Variants in SLC38A12 observed in about 807,000 individuals in gnomAD.
The protein encoded by SLC38A12 is putative sodium-coupled neutral amino acid transporter 12.
chr17:74,835,999 C>G, the SLC38A12 span: 16 of 1,612,104 alleles, frequency 9.9e-6, no homozygotes, highest in South Asian at 9.9e-5. Flanking sequence ...CCGCCCCTGG[C>G]TGACTTCTCG....
At chr17:74,835,974 C>G in the SLC38A12 span, 2 of 1,611,902 alleles carry the variant, frequency 1.2e-6, no homozygotes, top group South Asian at 1.1e-5. Flanking sequence ...CGGGCACGGA[C>G]AAGGGGAGGG....
the SLC38A12 span, among the ~76,000 whole-genome samples, chr17:74,813,240 T>C: frequency 6.6e-6 from 1 of 152,230 alleles, no homozygotes; most frequent in East Asian, 1.9e-4. Flanking sequence ...CATTGCCCGC[T>C]TTTCAAGTCT....
the SLC38A12 span, among the ~76,000 whole-genome samples, chr17:74,783,889 C>G: frequency 6.6e-6 from 1 of 151,896 alleles, no homozygotes; most frequent in Admixed American, 6.6e-5. Flanking sequence ...CGCCACCCCC[C>G]AGCTAATTTT....
the SLC38A12 span, among the ~76,000 whole-genome samples, chr17:74,810,913 T>C: frequency 2.6e-5 from 4 of 151,350 alleles, no homozygotes; most frequent in African/African-American, 7.2e-5. Context: ...CTGCTCTCTT[T>C]CTCTGGCAGA....
At chr17:74,831,461 T>C in the SLC38A12 span, among the ~76,000 whole-genome samples, 4 of 152,178 alleles carry the variant, frequency 2.6e-5, no homozygotes, top group Non-Finnish European at 5.9e-5. Flanking sequence ...TACTCAGATA[T>C]TAAGAGAGAA....
chr17:74,795,398 G>A, the SLC38A12 span: 80 of 803,400 alleles, frequency 1.0e-4, no homozygotes, highest in East Asian at 8.6e-4. Context: ...GATGCATCCC[G>A]CAAAGTGGTT....
At chr17:74,788,333 T>C in the SLC38A12 span, among the ~76,000 whole-genome samples, 12 of 152,206 alleles carry the variant, frequency 7.9e-5, no homozygotes, top group African/African-American at 2.7e-4. Flanking sequence ...CGTGAGTGTA[T>C]GTAATTGGGA....
chr17:74,803,516 G>C, the SLC38A12 span, among the ~76,000 whole-genome samples: 2 of 152,154 alleles, frequency 1.3e-5, no homozygotes, highest in Non-Finnish European at 2.9e-5. Flanking sequence ...ATCCCTGCTG[G>C]GGACCTTCTG....
chr17:74,792,739 A>T, the SLC38A12 span, among the ~76,000 whole-genome samples: 5 of 152,244 alleles, frequency 3.3e-5, no homozygotes, highest in Non-Finnish European at 2.9e-5. Flanking sequence ...CGATGTGATT[A>T]TCAGCCAAAG....
the SLC38A12 span, chr17:74,838,752 GC>G: frequency 2.7e-6 from 4 of 1,463,720 alleles, no homozygotes; most frequent in Non-Finnish European, 3.6e-6. Flanking sequence ...GGGGCTTGGG[GC>G]CAGGGGCAGA....
At chr17:74,790,770 CT>C in the SLC38A12 span, among the ~76,000 whole-genome samples, 3 of 139,824 alleles carry the variant, frequency 2.1e-5, no homozygotes, top group African/African-American at 8.2e-5. Context: ...TCTGAATTCC[CT>C]TAAAAAAAAA....
chr17:74,803,230 T>C, the SLC38A12 span, among the ~76,000 whole-genome samples: 8 of 152,120 alleles, frequency 5.3e-5, no homozygotes, highest in Admixed American at 2.6e-4. Flanking sequence ...CCTTCTCTTG[T>C]GTAAAGGGAG....
chr17:74,834,778 C>T, the SLC38A12 span, among the ~76,000 whole-genome samples: 8 of 152,262 alleles, frequency 5.3e-5, no homozygotes, highest in African/African-American at 1.9e-4. Context: ...GGTGAGGGCA[C>T]AGGCTAGAGA....
the SLC38A12 span, chr17:74,819,795 C>G: frequency 6.2e-7 from 1 of 1,614,238 alleles, no homozygotes; most frequent in Middle Eastern, 1.6e-4. Context: ...CTTTGACGTC[C>G]AGAAGACCAA....
the SLC38A12 span, chr17:74,795,534 G>A: frequency 1.9e-6 from 3 of 1,613,958 alleles, no homozygotes; most frequent in African/African-American, 1.3e-5. Flanking sequence ...CAGCGCCACT[G>A]GCAATGACTC....
chr17:74,817,302 G>A, the SLC38A12 span, among the ~76,000 whole-genome samples: 1 of 152,092 alleles, frequency 6.6e-6, no homozygotes, highest in African/African-American at 2.4e-5. Flanking sequence ...CTTCCCAAGC[G>A]TTATGGTCGG....
chr17:74,807,590 G>A, the SLC38A12 span, among the ~76,000 whole-genome samples: 3 of 152,222 alleles, frequency 2.0e-5, no homozygotes. Context: ...GGTCCTCGCT[G>A]CCAGGACAAG....
the SLC38A12 span, among the ~76,000 whole-genome samples, chr17:74,781,100 C>T: frequency 8.5e-5 from 13 of 152,166 alleles, no homozygotes; most frequent in Non-Finnish European, 1.9e-4. Flanking sequence ...TGCCACTAAA[C>T]ATCCCACAAT....
chr17:74,803,687 G>A, the SLC38A12 span, among the ~76,000 whole-genome samples: 1 of 152,154 alleles, frequency 6.6e-6, no homozygotes, highest in Admixed American at 6.5e-5. Context: ...CCTGGCCACT[G>A]ACCTGTGCGT....
Sources: allele counts gnomAD v4.1 joint callset (sites outside exome capture counted in the v4.1 genomes callset), GRCh38; gene constraint gnomAD v4.1.1; transcripts MANE v1.5; gene names NCBI Gene and HGNC (gene_info 2026-07-23, HGNC 2026-07-21).